Variants in GALNT17 observed in about 807,000 individuals in gnomAD.
GALNT17 encodes polypeptide N-acetylgalactosaminyltransferase 17.
Under a neutral mutation model 63.7 loss-of-function variants are expected in GALNT17, and 29 were observed. The observed-to-expected ratio is 0.46, with a 90% CI of 0.34 to 0.62. GALNT17 has a LOEUF of 0.62. Among genes scored for constraint, GALNT17 ranks in the 20% least tolerant of loss-of-function variants. GALNT17 has a pLI of 0.01. For synonymous variants in GALNT17, 305 were observed against 318.3 expected, an observed-to-expected ratio of 0.96 and a Z score of 0.45; for missense variants, 603 against 799.6, an observed-to-expected ratio of 0.75 and a Z score of 2.97.
intron 5 of GALNT17, among the ~76,000 whole-genome samples, chr7:71,537,867 G>A (rs1788825541): frequency 6.6e-6 from 1 of 152,100 alleles, no homozygotes; most frequent in African/African-American, 2.4e-5. Flanking sequence ...AGAGACAGAG[G>A]AGAAGGCCAT....
chr7:71,693,307 C>CATATATATATATATATATATATATAT (rs1397260396), intron 9 of GALNT17, among the ~76,000 whole-genome samples: 6 of 126,678 alleles, frequency 4.7e-5, no homozygotes, highest in East Asian at 9.5e-4. Context: ...CACACACACA[C>CATATATATATATATATATATATATAT]ACATATATAT....
intron 5 of GALNT17, among the ~76,000 whole-genome samples, chr7:71,477,079 C>T (rs1188910216): frequency 2.6e-5 from 4 of 152,102 alleles, no homozygotes; most frequent in Non-Finnish European, 5.9e-5. Flanking sequence ...AGTAACTATT[C>T]ATAGTAAGCA....
At chr7:71,232,613 A>G (rs1261492482) in intron 1 of GALNT17, among the ~76,000 whole-genome samples, 3 of 152,190 alleles carry the variant, frequency 2.0e-5, no homozygotes, top group Admixed American at 2.0e-4. Context: ...AGCCAGTAGT[A>G]GAAGAAACCA....
chr7:71,336,556 C>T (rs990868261), intron 2 of GALNT17, among the ~76,000 whole-genome samples: 2 of 152,086 alleles, frequency 1.3e-5, no homozygotes, highest in African/African-American at 2.4e-5. Flanking sequence ...CATGTGTACT[C>T]GTCGTTTAGC....
chr7:71,583,757 A>AC (rs201918482), intron 6 of GALNT17, among the ~76,000 whole-genome samples: 1 of 143,310 alleles, frequency 7.0e-6, no homozygotes, highest in Non-Finnish European at 1.5e-5. Context: ...ACACACACAC[A>AC]CACCACACAC....
At chr7:71,557,169 GGCGTGA>G (rs1789178911) in intron 5 of GALNT17, among the ~76,000 whole-genome samples, 1 of 151,588 alleles carries the variant, frequency 6.6e-6, no homozygotes, top group African/African-American at 2.4e-5. Context: ...TAGGATTACA[GGCGTGA>G]ACCACCACAT....
At chr7:71,539,408 A>G (rs1788851595) in intron 5 of GALNT17, among the ~76,000 whole-genome samples, 1 of 152,210 alleles carries the variant, frequency 6.6e-6, no homozygotes, top group South Asian at 2.1e-4. Context: ...TATAAGCTCA[A>G]AACCCCTTAT....
At chr7:71,220,437 T>C (rs986236094) in intron 1 of GALNT17, among the ~76,000 whole-genome samples, 7 of 152,160 alleles carry the variant, frequency 4.6e-5, no homozygotes, top group Admixed American at 1.3e-4. Flanking sequence ...TGAGAACACA[T>C]TGTACGTGAC....
intron 5 of GALNT17, among the ~76,000 whole-genome samples, chr7:71,427,939 C>T (rs1357748414): frequency 6.6e-6 from 1 of 152,158 alleles, no homozygotes; most frequent in Non-Finnish European, 1.5e-5. Flanking sequence ...TGAGGTAGAA[C>T]AGTTTCATCC....
At chr7:71,544,117 C>CTTTTTGCT in intron 5 of GALNT17, among the ~76,000 whole-genome samples, 1 of 54,870 alleles carries the variant, frequency 1.8e-5, no homozygotes, top group Non-Finnish European at 3.9e-5. Context: ...GGCTTGATTT[C>CTTTTTGCT]TTTTTTCTTT....
At chr7:71,664,229 G>A (rs900694702) in intron 6 of GALNT17, among the ~76,000 whole-genome samples, 6 of 152,248 alleles carry the variant, frequency 3.9e-5, no homozygotes, top group East Asian at 3.9e-4. Flanking sequence ...AATAGCAAGC[G>A]ACAGCTGCTC....
chr7:71,248,725 C>T (rs1450180153), intron 1 of GALNT17, among the ~76,000 whole-genome samples: 2 of 152,074 alleles, frequency 1.3e-5, no homozygotes, highest in South Asian at 2.1e-4. Flanking sequence ...CAACTCATTT[C>T]CCCCCATGCT....
intron 1 of GALNT17, among the ~76,000 whole-genome samples, chr7:71,232,749 A>G (rs1208016757): frequency 2.0e-5 from 3 of 152,118 alleles, no homozygotes. Context: ...CCCACTTTTA[A>G]TTACACGCAA....
chr7:71,337,855 G>A lies in GALNT17; in HGVS notation c.422+2122G>A, dbSNP rs545862736. On this transcript the variant is annotated intron_variant, in intron 2 of 10. Coordinates refer to ENST00000333538, the MANE Select transcript of GALNT17 (RefSeq NM_022479.3). ...TGCACTCCAGCCTGGGTGACAGAGCGAAACTCCATCTCAGAACAAACAAAC... is the reference window on the plus strand; with the variant it reads ...TGCACTCCAGCCTGGGTGACAGAGCAAAACTCCATCTCAGAACAAACAAAC... 9.9e-5 allele frequency among the ~76,000 whole-genome samples: 15 copies of A among 151,976 alleles called. No individual in the cohort carries two copies. In the South Asian group the frequency reaches 2.9e-3, roughly 29 times the overall value.
At chr7:71,225,597 A>G (rs1430851137) in intron 1 of GALNT17, among the ~76,000 whole-genome samples, 1 of 152,216 alleles carries the variant, frequency 6.6e-6, no homozygotes, top group Non-Finnish European at 1.5e-5. Flanking sequence ...TATCTAAGAA[A>G]CTTCCCGAAA....
intron 1 of GALNT17, among the ~76,000 whole-genome samples, chr7:71,150,487 TTCTC>T (rs1393868722): frequency 1.3e-5 from 2 of 151,758 alleles, no homozygotes; most frequent in Non-Finnish European, 1.5e-5. Context: ...CCTTCATGCC[TTCTC>T]TCTCTTTTTT....
chr7:71,542,638 G>A (rs561238259), intron 5 of GALNT17, among the ~76,000 whole-genome samples: 56 of 150,182 alleles, frequency 3.7e-4, no homozygotes, highest in South Asian at 8.4e-4. Context: ...GGGGGTTGCA[G>A]TGAGCCGAGA....
At chr7:71,685,032 G>A (rs1314786418) in intron 9 of GALNT17, among the ~76,000 whole-genome samples, 1 of 151,966 alleles carries the variant, frequency 6.6e-6, no homozygotes, top group Non-Finnish European at 1.5e-5. Flanking sequence ...AATGCCAGCT[G>A]TCAAACGAAT....
At chr7:71,288,499 G>T (rs971346595) in intron 1 of GALNT17, among the ~76,000 whole-genome samples, 14 of 152,264 alleles carry the variant, frequency 9.2e-5, no homozygotes, top group African/African-American at 2.2e-4. Flanking sequence ...CTGACTATAA[G>T]CCCTGAGCGG....
Sources: gnomAD v4.1 joint callset for allele counts (sites outside exome capture counted in the v4.1 genomes callset) on GRCh38, gnomAD v4.1.1 for gene constraint, MANE v1.5 for transcripts, NCBI Gene and HGNC (gene_info 2026-07-23, HGNC 2026-07-21) for gene names.